ZNF831: variants seen among roughly 807,000 people sequenced by gnomAD.
ZNF831 encodes the protein chromosome 20 open reading frame 174.
A neutral mutation model predicts 95.8 loss-of-function variants in ZNF831; 59 were observed. The ratio of observed to expected loss-of-function variants is 0.62; its 90% CI spans 0.50 to 0.77. The LOEUF (loss-of-function observed/expected upper bound fraction) is 0.77, where lower values mean the gene tolerates loss of function less well. Among genes scored for constraint, ZNF831 ranks in the 30% least tolerant of loss-of-function variants. ZNF831 has a pLI of 0.00. For synonymous variants in ZNF831, 961 were observed against 925.5 expected (o/e 1.04, Z -0.70); for missense variants, 2,205 against 2,164.0 (o/e 1.02, Z -0.38).
chr20:59,240,087 G>A (rs550650500), intron 4 of ZNF831, among the ~76,000 whole-genome samples: 3 of 152,226 alleles, frequency 2.0e-5, no homozygotes, highest in African/African-American at 7.2e-5. Context: ...GAAGGTTTGT[G>A]TATTTTTTAT....
At chr20:59,172,210 C>T (rs146215578) in intron 1 of ZNF831, among the ~76,000 whole-genome samples, 2 of 152,152 alleles carry the variant, frequency 1.3e-5, no homozygotes, top group Admixed American at 6.5e-5. Context: ...TCTTTCCCTC[C>T]GAGGGACAAC....
intron 2 of ZNF831, among the ~76,000 whole-genome samples, chr20:59,156,527 A>AAAAT (rs548130607): frequency 2.6e-4 from 40 of 152,278 alleles, no homozygotes; most frequent in East Asian, 7.7e-4. Context: ...CTCTGTCTCA[A>AAAAT]AAATAAATAA....
At chr20:59,220,375 T>G (rs1204496019) in intron 4 of ZNF831, among the ~76,000 whole-genome samples, 1 of 152,190 alleles carries the variant, frequency 6.6e-6, no homozygotes, top group Non-Finnish European at 1.5e-5. Flanking sequence ...TGCTGCCTGG[T>G]CTTCACAAGG....
At chr20:59,164,324 C>T (rs1357575578) in intron 1 of ZNF831, among the ~76,000 whole-genome samples, 117 bp downstream of exon 1, 1 of 152,206 alleles carries the variant, frequency 6.6e-6, no homozygotes, top group African/African-American at 2.4e-5. Context: ...AGGGAAAATG[C>T]TACGTAAAAC....
At chr20:59,247,558 A>T (rs1487388190) in intron 4 of ZNF831, among the ~76,000 whole-genome samples, 4 of 152,216 alleles carry the variant, frequency 2.6e-5, no homozygotes, top group Admixed American at 2.0e-4. Flanking sequence ...TATTACTTTT[A>T]GAGATCTGCC....
intron 1 of ZNF831, among the ~76,000 whole-genome samples, chr20:59,125,594 T>C (rs953326384): frequency 5.3e-5 from 8 of 152,316 alleles, no homozygotes; most frequent in Admixed American, 2.6e-4. Context: ...AATACTGGGT[T>C]CAATTTTTTC....
chr20:59,128,984 G>A (rs925511328), intron 1 of ZNF831, among the ~76,000 whole-genome samples: 9 of 152,098 alleles, frequency 5.9e-5, no homozygotes, highest in African/African-American at 2.2e-4. Flanking sequence ...GGCTAGTCTC[G>A]AACTCCTGAC....
chr20:59,228,056 A>T (rs976502678), intron 4 of ZNF831, among the ~76,000 whole-genome samples: 3 of 152,244 alleles, frequency 2.0e-5, no homozygotes, highest in African/African-American at 7.2e-5. Context: ...ATCATCATAA[A>T]TATATAACAT....
At chr20:59,197,844 G>A (rs865862106) in intron 3 of ZNF831, among the ~76,000 whole-genome samples, 1 of 152,214 alleles carries the variant, frequency 6.6e-6, no homozygotes, top group South Asian at 2.1e-4. Flanking sequence ...CCATCCAGAC[G>A]GAGGAGCTGC....
rs1158113259 is a variant in ZNF831 at position 59,191,110 on chromosome 20, G to A, written c.91G>A (p.Ala31Thr). Reference protein sequence around the residue: ...PGPPGAPGGQASPHLTLGPVL... With the variant: ...PGPPGAPGGQTSPHLTLGPVL... ...CCCTCCAGGGGCCCCAGGTGGCCAG[G>A]CCTCACCTCACCTGACCCTGGGCCC... is the stretch of plus-strand genomic sequence containing the variant. The change falls in exon 2 of 6, where the codon GCC (alanine) becomes ACC (threonine). Residue 31 changes from alanine to threonine, a missense_variant. Ala to Thr is a moderately conservative substitution (Grantham distance 58, BLOSUM62 0). Coordinates refer to ENST00000371030, the MANE Select transcript of ZNF831 (RefSeq NM_178457.3). 1.9e-6 allele frequency: 3 copies of A among 1,589,292 alleles called. No individual in the cohort carries two copies. The highest frequency in any genetic ancestry group is 2.6e-6 in the Non-Finnish European group (3 of 1,173,544).
intron 4 of ZNF831, among the ~76,000 whole-genome samples, chr20:59,229,493 G>A (rs1038655089): frequency 6.6e-6 from 1 of 152,196 alleles, no homozygotes; most frequent in Non-Finnish European, 1.5e-5. Context: ...ATTGCATAGG[G>A]CATGAATACG....
chr20:59,221,324 G>A (rs1986058621), intron 4 of ZNF831, among the ~76,000 whole-genome samples: 1 of 152,146 alleles, frequency 6.6e-6, no homozygotes, highest in Non-Finnish European at 1.5e-5. Context: ...CTTCCTGCCG[G>A]GGTGAGACTT....
intron 4 of ZNF831, among the ~76,000 whole-genome samples, chr20:59,240,734 G>A (rs867937353): frequency 3.0e-4 from 45 of 152,200 alleles, no homozygotes; most frequent in African/African-American, 9.9e-4. Flanking sequence ...CCCGGGAGGC[G>A]GAGCTTGCAG....
Position 59,194,130 on chromosome 20 carries a change from CAGGG to C in ZNF831, c.3114_3117del (p.Arg1038SerfsTer26). 1 of 1,563,018 alleles carries C rather than the reference CAGGG, an allele frequency of 6.4e-7. No individual in the cohort carries two copies. On this transcript the variant is annotated frameshift_variant, in exon 2 of 6. Coordinates refer to ENST00000371030, the MANE Select transcript of ZNF831 (RefSeq NM_178457.3). LOFTEE classifies it high-confidence loss of function. ...GGATGGCCACTAGCAGGCCAGCAGCCAGGGAGTTGCCCATCTCAGCACCAGGGGC... is the reference window on the plus strand; with the variant it reads ...GGATGGCCACTAGCAGGCCAGCAGCCAGTTGCCCATCTCAGCACCAGGGGC...
intron 3 of ZNF831, among the ~76,000 whole-genome samples, chr20:59,205,069 G>A (rs1325969090): frequency 2.6e-5 from 4 of 152,120 alleles, no homozygotes; most frequent in Non-Finnish European, 5.9e-5. Context: ...TTTGCGTGAG[G>A]AGAAAGACCC....
Position 59,164,305 on chromosome 20 carries a change from C to T in ZNF831, c.-37+98C>T, listed in dbSNP as rs145974996. ...TTAATGATATATTTATCTTCAAGCA[C>T]GCAGTTAAAGGGAAAATGCTACGTA... is the stretch of plus-strand genomic sequence containing the variant. On this transcript the variant is annotated intron_variant, in intron 1 of 5. Transcript: ENST00000371030. Among the ~76,000 whole-genome samples, 24 of 152,250 alleles carry T rather than the reference C, an allele frequency of 1.6e-4. No homozygotes were observed. In the East Asian group the frequency reaches 1.9e-3, roughly 12 times the overall value.
intron 4 of ZNF831, among the ~76,000 whole-genome samples, chr20:59,236,487 C>T (rs1247470066): frequency 1.3e-5 from 2 of 151,438 alleles, no homozygotes; most frequent in Non-Finnish European, 2.9e-5. Flanking sequence ...GACAGAGTCT[C>T]ACTGTGTTGC....
chr20:59,169,756 C>T lies in ZNF831; in HGVS notation c.-37+5549C>T, dbSNP rs544983400. Among the ~76,000 whole-genome samples, 9 of 152,084 alleles carry T rather than the reference C, an allele frequency of 5.9e-5. No homozygotes were observed. The highest frequency in any genetic ancestry group is 1.9e-4 in the East Asian group (1 of 5,172). ...CTCTACTAAAAATACAAAAATTAGC[C>T]GGGCATGATGGCAGACACCTGTAAT... On this transcript the variant is annotated intron_variant, in intron 1 of 5. Coordinates refer to ENST00000371030, the MANE Select transcript of ZNF831 (RefSeq NM_178457.3). The surrounding 1 kb of genome is among the most constrained non-coding windows in gnomAD (Gnocchi z 4.1).
rs1479242786 is a variant in ZNF831 at position 59,254,220 on chromosome 20, T to C, written c.4511T>C (p.Ile1504Thr). ...CISLPVRTDH[I>T]AQEIHSAESR... The stretch of plus-strand genomic sequence containing the variant: ...TCTCTGCCAGTGAGAACAGATCACA[T>C]AGCCCAGGAAATTCACAGTGCTGAA... Residue 1504 changes from isoleucine to threonine, a missense_variant, in exon 6 of 6, where the codon ATA becomes ACA. Coordinates refer to ENST00000371030, the MANE Select transcript of ZNF831 (RefSeq NM_178457.3). This position sits in a 1 kb window ranked among gnomAD's most constrained non-coding sequence, Gnocchi z 4.5. 1.2e-6 allele frequency: 2 copies of C among 1,614,024 alleles called. No homozygotes were observed. The highest frequency in any genetic ancestry group is 2.2e-5 in the East Asian group (1 of 44,854).
Sources: gnomAD v4.1 joint callset for allele counts (sites outside exome capture counted in the v4.1 genomes callset) on GRCh38, gnomAD v4.1.1 for gene constraint, Gnocchi (gnomAD v3.1) non-coding constraint, MANE v1.5 for transcripts, NCBI Gene and HGNC (gene_info 2026-07-23, HGNC 2026-07-21) for gene names.